The following VWF variants were observed in gnomAD, a reference collection of about 807,000 sequenced individuals.
VWF encodes the protein von Willebrand factor.
VWF carries 176 observed loss-of-function variants against 308.6 expected under a neutral mutation model. That is an observed-to-expected ratio of 0.57 (90% CI 0.50 to 0.65). The LOEUF (loss-of-function observed/expected upper bound fraction) is 0.65, where lower values mean the gene tolerates loss of function less well. VWF is among the 30% of genes least tolerant of loss of function. The pLI is 0.00. For synonymous variants in VWF, 1,385 were observed against 1,443.4 expected (o/e 0.96, Z 0.92); for missense variants, 3,146 against 3,648.2 (o/e 0.86, Z 3.55).
At chr12:6,098,664 A>T (rs1945130070) in intron 5 of VWF, among the ~76,000 whole-genome samples, 1 of 152,140 alleles carries the variant, frequency 6.6e-6, no homozygotes, top group Non-Finnish European at 1.5e-5. Context: ...CTGTAGTCCC[A>T]GCTACTCGGG....
rs545695166 is a variant in VWF, at chr12:6,110,491, T to C, written c.415A>G (p.Arg139Gly). 1 of 1,614,196 alleles carries C rather than the reference T, an allele frequency of 6.2e-7. No individual in the cohort carries two copies. The highest frequency in any genetic ancestry group is 8.5e-7 in the Non-Finnish European group (1 of 1,180,032). Residue 139 changes from arginine to glycine, a missense_variant, in exon 5 of 52, where the codon AGG becomes GGG. Transcript: ENST00000261405. ...LSGEAYGFVA[R>G]IDGSGNFQVL... Reference sequence around the variant, plus strand: ...TGAAAGTTGCCGCTGCCATCGATCCTGGCCACAAAGCCATAGGCCTCACCG... The same window carrying C: ...TGAAAGTTGCCGCTGCCATCGATCCCGGCCACAAAGCCATAGGCCTCACCG...
intron 47 of VWF, 37 bp from the exon 48 acceptor site, chr12:5,953,631 C>G: frequency 6.5e-7 from 1 of 1,535,918 alleles, no homozygotes; most frequent in Non-Finnish European, 9.0e-7. Context: ...CATAGTTAAC[C>G]TCCTTAAAAC....
At chr12:6,080,972 GAGCCAGGCGGGATGCCTA>G (rs1440323200) in intron 6 of VWF, among the ~76,000 whole-genome samples, 1 of 152,170 alleles carries the variant, frequency 6.6e-6, no homozygotes, top group Non-Finnish European at 1.5e-5. Context: ...TGGGCAGCAG[GAGCCAGGCGGGATGCCTA>G]GGCCAGGCAT....
At chr12:5,975,982 C>T (rs1246826002) in intron 43 of VWF, 129 bp downstream of exon 43, 1 of 1,380,560 alleles carries the variant, frequency 7.2e-7, no homozygotes, top group Non-Finnish European at 9.9e-7. Context: ...TGCCACTGCA[C>T]TCCAGCCTGG....
In VWF at chr12:5,969,352, T is replaced by C. The variant is rs1943442814; in HGVS notation, c.7588A>G (p.Ile2530Val). Residue 2530 changes from isoleucine (I) to valine (V), a missense_variant, in exon 45 of 52, where the codon ATC becomes GTC. Ile to Val is a conservative substitution (Grantham distance 29). Transcript: ENST00000261405. ...TCCTTCACTCGGACACACTCATTGA[T>C]GAGGCAGGGGTTCTCCGGGGAGGCC... ...QWASPENPCL[I>V]NECVRVKEEV... is the part of the protein sequence containing the mutation. 6.2e-7 allele frequency: 1 copy of C among 1,614,230 alleles called. No individual in the cohort carries two copies. The highest frequency in any genetic ancestry group is 8.5e-7 in the Non-Finnish European group (1 of 1,180,042).
chr12:6,061,405 TGACAAGAG>T (rs11277921), intron 13 of VWF, among the ~76,000 whole-genome samples: 23,115 of 150,468 alleles, frequency 0.15, 2,657 homozygotes, highest in African/African-American at 0.33. Flanking sequence ...AAAGGGAGGT[TGACAAGAG>T]GATCTCCCAG....
rs923896197 is a variant in VWF, at chr12:5,967,659, C to T, written c.7771-57G>A. 5 of 1,492,708 alleles carry T rather than the reference C, an allele frequency of 3.3e-6. No individual in the cohort carries two copies. The African/African-American group carries it at 5.5e-5, about 16-fold the overall frequency. The allele number at this position is 1,492,708 out of a possible 1,614,324, so 92.5% of individuals were successfully genotyped here. A position where few individuals can be genotyped will look rare whatever the true frequency, so the allele number is the denominator to read the frequency against. ...CAGCATCCCCCAACCCCCCACTCAC[C>T]TCACTCTCATACCCTGTCTCCTGCC... On this transcript the variant is annotated intron_variant, in intron 46 of 51. Coordinates refer to ENST00000261405, the MANE Select transcript of VWF (RefSeq NM_000552.5).
At position 6,016,636 on chromosome 12, in the gene VWF, A is replaced by T. The variant is rs61750603; in HGVS notation, c.5191T>A (p.Ser1731Thr). 1.2e-3 allele frequency: 1,870 copies of T among 1,614,210 alleles called. 5 individuals are homozygous for T. Among genetic ancestry groups the T allele is most frequent in the Middle Eastern group, 4.3e-3 (26 of 6,062 alleles). The change falls in exon 30 of 52, where the codon TCA (serine) becomes ACA (threonine). Residue 1731 changes from serine to threonine, a missense_variant. By Grantham distance (58) the Ser-to-Thr change is moderately conservative. This residue lies in a region of VWF where 853 missense variants were observed against 1,177.8 expected (regional missense o/e 0.72). Coordinates refer to ENST00000261405, the MANE Select transcript of VWF (RefSeq NM_000552.5). ...GTGATGCTTCCATACTGCAGCACTG[A>T]CACCTGAGTGAGACGAGGCCCTAAA... is the stretch of plus-strand genomic sequence containing the variant. ...ANIGPRLTQVSVLQYGSITTI... is the reference protein window; with the variant it reads ...ANIGPRLTQVTVLQYGSITTI...
At chr12:5,983,794 G>GAGAT (rs11268064) in intron 40 of VWF, among the ~76,000 whole-genome samples, 64,050 of 148,602 alleles carry the variant, frequency 0.43, 14,261 homozygotes, top group Non-Finnish European at 0.47. Context: ...AGATACAATA[G>GAGAT]AGATAGATAG....
At chr12:6,005,306 T>A (rs1205837728) in intron 34 of VWF, among the ~76,000 whole-genome samples, 1 of 152,168 alleles carries the variant, frequency 6.6e-6, no homozygotes, top group Non-Finnish European at 1.5e-5. Flanking sequence ...AATAAGCCCA[T>A]GCACATATGA....
intron 18 of VWF, among the ~76,000 whole-genome samples, chr12:6,041,386 T>C (rs1944394214): frequency 6.6e-6 from 1 of 150,612 alleles, no homozygotes; most frequent in South Asian, 2.1e-4. Flanking sequence ...GCCGAGACCA[T>C]GCCACTGCAC....
intron 42 of VWF, among the ~76,000 whole-genome samples, chr12:5,979,623 G>A (rs188436847): frequency 1.4e-3 from 213 of 151,920 alleles, no homozygotes; most frequent in African/African-American, 4.5e-3. Context: ...GGTGGTGTGC[G>A]CCTGCAATCC....
Position 6,038,643 on chromosome 12 carries a change from C to A in VWF, c.2443-2152G>T, listed in dbSNP as rs1236331941. 2.6e-5 allele frequency among the ~76,000 whole-genome samples: 4 copies of A among 152,238 alleles called. 1 individual carries two copies. The highest frequency in any genetic ancestry group is 4.4e-5 in the Non-Finnish European group (3 of 68,044). On this transcript the variant is annotated intron_variant, in intron 18 of 51. Coordinates refer to ENST00000261405, the MANE Select transcript of VWF (RefSeq NM_000552.5). ...AATGCCATGACTGCAGCCGCCACCTCCTCCTCCTTCTGAGCACCCACTGCA... is the reference window on the plus strand; with the variant it reads ...AATGCCATGACTGCAGCCGCCACCTACTCCTCCTTCTGAGCACCCACTGCA...
In VWF at chr12:6,018,537, G is replaced by A; in HGVS notation, c.4881C>T (p.Pro1627=). 6.2e-7 allele frequency: 1 copy of A among 1,613,946 alleles called. No homozygotes were observed. The highest frequency in any genetic ancestry group is 2.2e-5 in the East Asian group (1 of 44,848). The change falls in exon 28 of 52, where the codon CCC becomes CCT. Residue 1627 remains proline, a synonymous_variant. Transcript: ENST00000261405. The stretch of plus-strand genomic sequence containing the variant: ...CGTTGGCATTAGGGCCCACTCCAAT[G>A]GGCACCACCTGGATGTCTCCAGGCA... ...KRLPGDIQVV[P]IGVGPNANVQ...
intron 3 of VWF, among the ~76,000 whole-genome samples, chr12:6,117,757 G>A (rs1022509891): frequency 2.6e-5 from 4 of 152,188 alleles, no homozygotes; most frequent in Admixed American, 2.0e-4. Context: ...GGAGGTTGCA[G>A]TGAGCCGAGA....
chr12:6,074,365 G>C (rs1056159849), intron 7 of VWF, among the ~76,000 whole-genome samples: 9 of 151,842 alleles, frequency 5.9e-5, no homozygotes, highest in African/African-American at 2.2e-4. Flanking sequence ...GCGACATTCA[G>C]GCTGACTGAA....
intron 3 of VWF, among the ~76,000 whole-genome samples, chr12:6,114,149 G>A (rs1260560020): frequency 6.6e-6 from 1 of 152,192 alleles, no homozygotes; most frequent in African/African-American, 2.4e-5. Context: ...GAACCCCCGT[G>A]AGCCCCTCCT....
chr12:6,091,266 C>A (rs993096036), intron 6 of VWF, among the ~76,000 whole-genome samples: 1 of 149,046 alleles, frequency 6.7e-6, no homozygotes, highest in East Asian at 2.0e-4. Flanking sequence ...AACGAAGCTT[C>A]CTCGTGTTAC....
rs1943670216 is a variant in VWF at position 5,985,572 on chromosome 12, T to C, written c.6892A>G (p.Thr2298Ala). 1 of 1,613,898 alleles carries C rather than the reference T, an allele frequency of 6.2e-7. No individual in the cohort carries two copies. The highest frequency in any genetic ancestry group is 8.5e-7 in the Non-Finnish European group (1 of 1,179,984). The stretch of plus-strand genomic sequence containing the variant: ...AGGGGAGGACTCTCACCTTTGGCCG[T>C]GGGGCAGGGCTGCGTTGTGCAGTTG... ...KVNCTTQPCP[T>A]AKAPTCGLCE... Residue 2298 changes from threonine to alanine, a missense_variant, in exon 39 of 52, where the codon ACG becomes GCG. Transcript: ENST00000261405.
Sources: allele counts gnomAD v4.1 joint callset (sites outside exome capture counted in the v4.1 genomes callset), GRCh38; gene constraint gnomAD v4.1.1; regional missense constraint gnomAD v4.1.1; transcripts MANE v1.5; gene names NCBI Gene and HGNC (gene_info 2026-07-23, HGNC 2026-07-21).